TMEM11: variants seen among roughly 807,000 people sequenced by gnomAD.
TMEM11 encodes the protein transmembrane protein 11, mitochondrial.
TMEM11 carries 1 observed loss-of-function variant against 17.0 expected under a neutral mutation model. The observed-to-expected ratio is 0.06, with a 90% CI of 0.02 to 0.28. The LOEUF (loss-of-function observed/expected upper bound fraction) is 0.28. Among genes scored for constraint, TMEM11 ranks in the 10% least tolerant of loss-of-function variants. The probability of loss-of-function intolerance (pLI) is 1.00; values close to 1 mark genes in which losing one functional copy is unlikely to be tolerated. For missense variants in TMEM11, 172 were observed against 252.9 expected, an observed-to-expected ratio of 0.68 and a Z score of 2.17; for synonymous variants, 122 against 118.1, an observed-to-expected ratio of 1.03 and a Z score of -0.21.
rs59460426 is a variant in TMEM11, at chr17:21,203,961, CT to C, written c.63-5122del. On this transcript the variant is annotated intron_variant, in intron 1 of 1. Transcript: ENST00000317635. ...GGTGCATGGGAGATCTTTTTTTTTC[CT>C]TTTTTTTTTTTTTTTTAAATTATAT... Among the ~76,000 whole-genome samples the C allele has an allele frequency of 3.4e-4, 42 of 124,584 alleles. 1 individual carries two copies. Among genetic ancestry groups the C allele is most frequent in the East Asian group, 2.1e-3 (9 of 4,202 alleles). 81.7% of individuals were successfully genotyped at this position (124,584 alleles called of 152,430 possible).
chr17:21,212,628 A>T (rs752432430), intron 1 of TMEM11, among the ~76,000 whole-genome samples: 7 of 152,260 alleles, frequency 4.6e-5, no homozygotes, highest in Admixed American at 6.5e-5. Flanking sequence ...AATTCTCAGC[A>T]TCTATTTTCT....
At chr17:21,203,102 A>G (rs1974900342) in intron 1 of TMEM11, among the ~76,000 whole-genome samples, 1 of 152,250 alleles carries the variant, frequency 6.6e-6, no homozygotes, top group Non-Finnish European at 1.5e-5. Context: ...CAGTTAGGCA[A>G]AGGGAATCTC....
At chr17:21,207,420 C>A (rs1290121148) in intron 1 of TMEM11, among the ~76,000 whole-genome samples, 3 of 151,980 alleles carry the variant, frequency 2.0e-5, no homozygotes, top group Non-Finnish European at 4.4e-5. Flanking sequence ...GTCCCAGCTA[C>A]TTGAGACTGA....
At chr17:21,202,792 C>T (rs372171547) in intron 1 of TMEM11, among the ~76,000 whole-genome samples, 1 of 152,208 alleles carries the variant, frequency 6.6e-6, no homozygotes, top group Non-Finnish European at 1.5e-5. Flanking sequence ...CCTCTGCCCT[C>T]GGCTGTGGGC....
At chr17:21,212,029 G>C (rs1975008029) in intron 1 of TMEM11, among the ~76,000 whole-genome samples, 1 of 152,188 alleles carries the variant, frequency 6.6e-6, no homozygotes, top group African/African-American at 2.4e-5. Context: ...ATGCCCAGAA[G>C]TCAGCTCGCT....
At chr17:21,213,057 T>C (rs898209524) in intron 1 of TMEM11, 1 of 152,174 alleles carries the variant, frequency 6.6e-6, no homozygotes. Context: ...CTGCAAGCAA[T>C]AGCAATGAAC....
Position 21,198,315 on chromosome 17 carries a change from C to G in TMEM11, c.*9G>C. 1 of 1,604,020 alleles carries G rather than the reference C, an allele frequency of 6.2e-7. No homozygotes were observed. Among genetic ancestry groups the G allele is most frequent in the Non-Finnish European group, 8.5e-7 (1 of 1,172,284 alleles). On this transcript the variant is annotated 3_prime_UTR_variant, in exon 2 of 2. Transcript: ENST00000317635. The surrounding 1 kb of genome is among the most constrained non-coding windows in gnomAD (Gnocchi z 6.5). ...GGGTGGTTTTGCTTCGCTCCCTGTT[C>G]TACTGAAATCATACGGCATAGAGTT...
chr17:21,205,368 G>A (rs541659261), intron 1 of TMEM11, among the ~76,000 whole-genome samples: 1 of 152,244 alleles, frequency 6.6e-6, no homozygotes, highest in South Asian at 2.1e-4. Context: ...ACATTCTAAG[G>A]CGGCAGAGCT....
rs73307633 is a variant in TMEM11 at position 21,211,299 on chromosome 17, C to T, written c.62+2792G>A. ...ATTTTGCTATTTCCACCCCTCCTAT[C>T]TTAGTCGAAACCAGCACTGTCCATA... is the stretch of plus-strand genomic sequence containing the variant. On this transcript the variant is annotated intron_variant, in intron 1 of 1. Transcript: ENST00000317635. 9,702 of 1,149,324 alleles carry T rather than the reference C, an allele frequency of 8.4e-3. 560 individuals are homozygous for T. The African/African-American group carries it at 0.13, about 15-fold the overall frequency. 71.2% of individuals were successfully genotyped at this position (1,149,324 alleles called of 1,614,324 possible).
At chr17:21,203,331 T>C (rs936082138) in intron 1 of TMEM11, among the ~76,000 whole-genome samples, 6 of 152,306 alleles carry the variant, frequency 3.9e-5, no homozygotes, top group Non-Finnish European at 7.4e-5. Context: ...GTGCTGTCAG[T>C]GCAGACACAG....
chr17:21,201,343 A>C (rs1383459342), intron 1 of TMEM11, among the ~76,000 whole-genome samples: 1 of 152,202 alleles, frequency 6.6e-6, no homozygotes, highest in Non-Finnish European at 1.5e-5. Flanking sequence ...TAATTCAATC[A>C]TAGGCCCTAA....
chr17:21,200,773 C>T (rs1034986354), intron 1 of TMEM11, among the ~76,000 whole-genome samples: 9 of 152,342 alleles, frequency 5.9e-5, no homozygotes, highest in African/African-American at 1.4e-4. Flanking sequence ...TGTGCACAGA[C>T]GCGAAGGTCC....
At chr17:21,207,083 T>C (rs1269824713) in intron 1 of TMEM11, among the ~76,000 whole-genome samples, 1 of 152,208 alleles carries the variant, frequency 6.6e-6, no homozygotes, top group African/African-American at 2.4e-5. Context: ...ATTCTGGGTA[T>C]TTCATTTAAA....
intron 1 of TMEM11, among the ~76,000 whole-genome samples, chr17:21,212,422 A>C (rs1485565209): frequency 2.0e-5 from 3 of 152,234 alleles, no homozygotes; most frequent in Non-Finnish European, 4.4e-5. Context: ...ACTGGAACCA[A>C]GCACTTGTCC....
At chr17:21,206,614 G>C (rs775039724) in intron 1 of TMEM11, among the ~76,000 whole-genome samples, 1 of 152,072 alleles carries the variant, frequency 6.6e-6, no homozygotes, top group Non-Finnish European at 1.5e-5. Flanking sequence ...TCGGAGCACT[G>C]CAACCTCCAC....
At chr17:21,211,247 G>A (rs531802894) in intron 1 of TMEM11, 188 of 1,286,238 alleles carry the variant, frequency 1.5e-4, no homozygotes, top group Non-Finnish European at 1.8e-4. Flanking sequence ...ATGGAGTGGA[G>A]AGAAAAATCA....
chr17:21,208,481 A>G (rs575889758), intron 1 of TMEM11: 2 of 152,232 alleles, frequency 1.3e-5, no homozygotes, highest in South Asian at 4.2e-4. Context: ...GAAAGGCAGA[A>G]GTCTGGACGC....
In TMEM11 at chr17:21,198,632, C is replaced by A. The variant is rs202195850; in HGVS notation, c.271G>T (p.Ala91Ser). The A allele has an allele frequency of 6.2e-7, 1 of 1,612,430 alleles. No individual in the cohort carries two copies. ...LHKTAVLAGTACLFTPLALPL... is the reference protein window; with the variant it reads ...LHKTAVLAGTSCLFTPLALPL... ...AGCGCCAACGGGGTGAAGAGGCAGG[C>A]GGTGCCCGCCAGCACGGCCGTCTTG... Residue 91 changes from alanine to serine, a missense_variant, in exon 2 of 2, where the codon GCC becomes TCC. Ala to Ser is a moderately conservative substitution (Grantham distance 99). Transcript: ENST00000317635. The surrounding 1 kb of genome is among the most constrained non-coding windows in gnomAD (Gnocchi z 6.5).
chr17:21,211,931 C>G (rs893681821), intron 1 of TMEM11, among the ~76,000 whole-genome samples: 2 of 152,224 alleles, frequency 1.3e-5, no homozygotes, highest in African/African-American at 4.8e-5. Flanking sequence ...ATAATACACT[C>G]AGATCTCATA....
Sources: gnomAD v4.1 joint callset for allele counts (sites outside exome capture counted in the v4.1 genomes callset) on GRCh38, gnomAD v4.1.1 for gene constraint, Gnocchi (gnomAD v3.1) non-coding constraint, MANE v1.5 for transcripts, NCBI Gene and HGNC (gene_info 2026-07-23, HGNC 2026-07-21) for gene names.